The following SCG3 variants were observed in gnomAD, a reference collection of about 807,000 sequenced individuals.
The protein encoded by SCG3 is secretogranin III.
SCG3 carries 38 observed loss-of-function variants against 56.2 expected under a neutral mutation model. The ratio of observed to expected loss-of-function variants is 0.68; its 90% CI spans 0.52 to 0.89. SCG3 has a LOEUF of 0.89. SCG3 is among the 40% of genes least tolerant of loss of function. The pLI is 0.00. For missense variants in SCG3, 524 were observed against 540.7 expected (o/e 0.97, Z 0.31); for synonymous variants, 176 against 184.2 (o/e 0.96, Z 0.36).
chr15:51,701,466 T>G (rs2141571388), intron 10 of SCG3, among the ~76,000 whole-genome samples: 1 of 152,350 alleles, frequency 6.6e-6, no homozygotes, highest in East Asian at 1.9e-4. Flanking sequence ...TTGATAGTCT[T>G]TAGTGTTCAA....
In SCG3 at chr15:51,682,578, A is replaced by G; in HGVS notation, c.135+9A>G. 1 of 1,367,290 alleles carries G rather than the reference A, an allele frequency of 7.3e-7. No homozygotes were observed. Among genetic ancestry groups the G allele is most frequent in the Non-Finnish European group, 9.9e-7 (1 of 1,008,654 alleles). The allele number at this position is 1,367,290 out of a possible 1,614,324, so 84.7% of individuals were successfully genotyped here. A position where few individuals can be genotyped will look rare whatever the true frequency, so the allele number is the denominator to read the frequency against. On this transcript the variant is annotated intron_variant, in intron 2 of 11. Coordinates refer to ENST00000220478, the MANE Select transcript of SCG3 (RefSeq NM_013243.4). ...GACCTTTGAATGAACAGGTAGGTCA[A>G]AAGTAACATTATGAATGCTATTTCA...
chr15:51,707,530 G>C (rs2055384077), intron 10 of SCG3, among the ~76,000 whole-genome samples: 1 of 152,114 alleles, frequency 6.6e-6, no homozygotes, highest in Non-Finnish European at 1.5e-5. Flanking sequence ...ACAGAAAAGG[G>C]GAATTTCTTT....
In SCG3 at chr15:51,712,903, A is replaced by G. The variant is rs921917647; in HGVS notation, c.1208-430A>G. 3.9e-5 allele frequency among the ~76,000 whole-genome samples: 6 copies of G among 152,194 alleles called. No homozygotes were observed. The East Asian group carries it at 1.2e-3, about 29-fold the overall frequency. On this transcript the variant is annotated intron_variant, in intron 10 of 11. Coordinates refer to ENST00000220478, the MANE Select transcript of SCG3 (RefSeq NM_013243.4). ...CACATTTGGACTTTTAACTGAAGTG[A>G]TGGAATCTTTAAGTATCTGCCACTC...
Position 51,695,625 on chromosome 15 carries a change from G to T in SCG3, c.869-250G>T, listed in dbSNP as rs545434900. The T allele has an allele frequency of 1.0e-3, 337 of 335,880 alleles. 11 individuals carry two copies. In the South Asian group the frequency reaches 0.024, roughly 23 times the overall value. The allele number at this position is 335,880 out of a possible 1,614,324, so 20.8% of individuals were successfully genotyped here. ...ACTGTAATTAGTGCTGGGTGTGGTG[G>T]TGTTTACCTATAGTTCCAACTTCAT... On this transcript the variant is annotated intron_variant, in intron 7 of 11. Transcript: ENST00000220478.
At chr15:51,717,177 G>A (rs1177411307) in intron 11 of SCG3, among the ~76,000 whole-genome samples, 2 of 152,154 alleles carry the variant, frequency 1.3e-5, no homozygotes, top group Non-Finnish European at 2.9e-5. Flanking sequence ...AGACCATCCT[G>A]GCCAATATGG....
intron 10 of SCG3, among the ~76,000 whole-genome samples, chr15:51,704,244 C>CATAT (rs750951935): frequency 0.051 from 3,753 of 73,342 alleles, 116 homozygotes; most frequent in Middle Eastern, 0.074. Context: ...TACATACATA[C>CATAT]ATATATATAT....
chr15:51,704,244 CATATATATATATATATAT>C (rs750951935), intron 10 of SCG3, among the ~76,000 whole-genome samples: 7 of 73,600 alleles, frequency 9.5e-5, no homozygotes, highest in East Asian at 1.0e-3. Context: ...TACATACATA[CATATATATATATATATAT>C]ATATATATAT....
Position 51,709,683 on chromosome 15 carries a change from ATATATATATATATATATATTTTTTTTT to A in SCG3, c.1208-3648_1208-3622del, listed in dbSNP as rs2055400999. On this transcript the variant is annotated intron_variant, in intron 10 of 11. Transcript: ENST00000220478. ...ATGCCATATATATATATATATATAT[ATATATATATATATATATATTTTTTTTT>A]TTTTTTTTTTTTTTTTTTTTTTTTT... 3.4e-4 allele frequency among the ~76,000 whole-genome samples: 4 copies of A among 11,862 alleles called. No homozygotes were observed. In the South Asian group the frequency reaches 9.9e-3, roughly 29 times the overall value. The allele number at this position is 11,862 out of a possible 152,430, so 7.8% of individuals were successfully genotyped here. A position where few individuals can be genotyped will look rare whatever the true frequency, so the allele number is the denominator to read the frequency against.
rs1595825350 is a variant in SCG3 at position 51,681,520 on chromosome 15, C to G, written c.-236C>G. On this transcript the variant is annotated 5_prime_UTR_variant, in exon 1 of 12. Transcript: ENST00000220478. Reference sequence around the variant, plus strand: ...TCCGCGTCACAGGAACTTCAGCACCCACAGGGCGGACAGCGCTCCCCTCTA... The same window carrying G: ...TCCGCGTCACAGGAACTTCAGCACCGACAGGGCGGACAGCGCTCCCCTCTA... 2 of 552,244 alleles carry G rather than the reference C, an allele frequency of 3.6e-6. No individual in the cohort carries two copies. The highest frequency in any genetic ancestry group is 3.3e-6 in the Non-Finnish European group (1 of 306,752). 34.2% of individuals were successfully genotyped at this position (552,244 alleles called of 1,614,324 possible).
intron 6 of SCG3, among the ~76,000 whole-genome samples, chr15:51,690,604 A>T (rs1401505842): frequency 6.6e-6 from 1 of 151,580 alleles, no homozygotes; most frequent in Non-Finnish European, 1.5e-5. Flanking sequence ...CATCTTTTAA[A>T]GCAGCTTTTG....
intron 6 of SCG3, among the ~76,000 whole-genome samples, chr15:51,689,752 A>C (rs747420203): frequency 3.3e-5 from 5 of 152,128 alleles, no homozygotes; most frequent in Non-Finnish European, 5.9e-5. Flanking sequence ...GCACCACTGC[A>C]TACCGGTCTG....
At chr15:51,706,153 C>T (rs1425072253) in intron 10 of SCG3, among the ~76,000 whole-genome samples, 1 of 152,172 alleles carries the variant, frequency 6.6e-6, no homozygotes, top group Admixed American at 6.5e-5. Flanking sequence ...TGAGAAAACA[C>T]CCATTGTCTC....
At chr15:51,705,522 CTTT>C (rs766515836) in intron 10 of SCG3, among the ~76,000 whole-genome samples, 2 of 142,846 alleles carry the variant, frequency 1.4e-5, no homozygotes. Flanking sequence ...TAGTGTTATT[CTTT>C]TTTTTTTTTT....
chr15:51,720,034 C>T lies in SCG3; in HGVS notation c.*508C>T, dbSNP rs1475282119. The T allele has an allele frequency of 6.6e-6, 1 of 152,430 alleles. No homozygotes were observed. Among genetic ancestry groups the T allele is most frequent in the Non-Finnish European group, 1.5e-5 (1 of 68,230 alleles). 9.4% of individuals were successfully genotyped at this position (152,430 alleles called of 1,614,324 possible). A position where few individuals can be genotyped will look rare whatever the true frequency, so the allele number is the denominator to read the frequency against. On this transcript the variant is annotated 3_prime_UTR_variant, in exon 12 of 12. Transcript: ENST00000220478. Reference sequence around the variant, plus strand: ...TTGGAGGAGCCATCTGCTTTTTTGGCTGCTCTTTTTAGCTGGCTTTTTATT... The same window carrying T: ...TTGGAGGAGCCATCTGCTTTTTTGGTTGCTCTTTTTAGCTGGCTTTTTATT...
chr15:51,694,383 G>A (rs533678610), intron 7 of SCG3, among the ~76,000 whole-genome samples: 35 of 152,184 alleles, frequency 2.3e-4, no homozygotes, highest in Non-Finnish European at 4.4e-4. Flanking sequence ...CTGCAGAACA[G>A]GCTCGTTTCT....
In SCG3 at chr15:51,695,897, A is replaced by C; in HGVS notation, c.891A>C (p.Glu297Asp). 6.2e-7 allele frequency: 1 copy of C among 1,604,420 alleles called. No homozygotes were observed. The highest frequency in any genetic ancestry group is 8.5e-7 in the Non-Finnish European group (1 of 1,172,514). Residue 297 changes from glutamate (E) to aspartate (D), a missense_variant, in exon 8 of 12, where the codon GAA (glutamate) becomes GAC (aspartate). Coordinates refer to ENST00000220478, the MANE Select transcript of SCG3 (RefSeq NM_013243.4). ...TAGAAAAAGAAGCAAAAGAGAAAGA[A>C]ACACTGATTACTATCATGAAAACAC... is the stretch of plus-strand genomic sequence containing the variant. ...IDSEKEAKEK[E>D]TLITIMKTLI...
chr15:51,712,797 A>G (rs1453296798), intron 10 of SCG3, among the ~76,000 whole-genome samples: 1 of 152,166 alleles, frequency 6.6e-6, no homozygotes, highest in Non-Finnish European at 1.5e-5. Flanking sequence ...GAAGTGAGGC[A>G]CTGGTCGCCT....
At chr15:51,715,808 G>A (rs906201869) in intron 11 of SCG3, among the ~76,000 whole-genome samples, 1 of 151,444 alleles carries the variant, frequency 6.6e-6, no homozygotes. Context: ...ATATTTGCCT[G>A]TTTGTCCATT....
chr15:51,681,632 C>G lies in SCG3; in HGVS notation c.-124C>G, dbSNP rs552083412. The G allele has an allele frequency of 5.9e-6, 4 of 674,278 alleles. No homozygotes were observed. The highest frequency in any genetic ancestry group is 1.1e-5 in the Non-Finnish European group (4 of 369,712). 41.8% of individuals were successfully genotyped at this position (674,278 alleles called of 1,614,324 possible). A position where few individuals can be genotyped will look rare whatever the true frequency, so the allele number is the denominator to read the frequency against. ...GATCCTGCAGCCGCCCAGTCCCGGC[C>G]CCTCTCCCGCCCCACACCCACCCTC... is the stretch of plus-strand genomic sequence containing the variant. On this transcript the variant is annotated 5_prime_UTR_variant, in exon 1 of 12. Transcript: ENST00000220478.
Sources: allele counts gnomAD v4.1 joint callset (sites outside exome capture counted in the v4.1 genomes callset), GRCh38; gene constraint gnomAD v4.1.1; transcripts MANE v1.5; gene names NCBI Gene and HGNC (gene_info 2026-07-23, HGNC 2026-07-21).